The following KIAA0319 variants were observed in gnomAD, a reference collection of about 807,000 sequenced individuals.
KIAA0319 encodes dyslexia-associated protein KIAA0319.
Under a neutral mutation model 108.4 loss-of-function variants are expected in KIAA0319, and 83 were observed. The ratio of observed to expected loss-of-function variants is 0.77; its 90% CI spans 0.64 to 0.92. The LOEUF is 0.92. Among genes scored for constraint, KIAA0319 ranks in the 40% least tolerant of loss-of-function variants. KIAA0319 has a pLI of 0.00. For missense variants in KIAA0319, 1,195 were observed against 1,322.4 expected (o/e 0.90, Z 1.49); for synonymous variants, 484 against 510.4 (o/e 0.95, Z 0.70).
intron 1 of KIAA0319, among the ~76,000 whole-genome samples, chr6:24,634,618 T>C (rs145298709): frequency 1.0e-3 from 155 of 152,288 alleles, no homozygotes; most frequent in Admixed American, 2.2e-3. Context: ...GATTACATTA[T>C]AGTAGATAGC....
chr6:24,543,005 A>T (rs1459638881), downstream of KIAA0319, among the ~76,000 whole-genome samples: 4 of 152,274 alleles, frequency 2.6e-5, no homozygotes, highest in Admixed American at 2.0e-4. Flanking sequence ...GAATTTTGCT[A>T]TAAATCCAGA....
At position 24,556,595 on chromosome 6, in the gene KIAA0319, A is replaced by G. The variant is rs1434023895; in HGVS notation, c.2857+12T>C. 4 of 1,613,128 alleles carry G rather than the reference A, an allele frequency of 2.5e-6. No homozygotes were observed. The highest frequency in any genetic ancestry group is 2.2e-5 in the South Asian group (2 of 90,862). On this transcript the variant is annotated intron_variant, in intron 18 of 20. Coordinates refer to ENST00000378214, the MANE Select transcript of KIAA0319 (RefSeq NM_014809.4). ...GCTCCTCACCCAAAGCCTCCTCTAT[A>G]CCAGAACTCACCACAGTTGCTCTCT...
chr6:24,563,098 A>G (rs1353109126), intron 16 of KIAA0319, among the ~76,000 whole-genome samples: 1 of 152,154 alleles, frequency 6.6e-6, no homozygotes, highest in Admixed American at 6.5e-5. Flanking sequence ...AGAGCTAACA[A>G]CCGTCTCCCC....
intron 20 of KIAA0319, among the ~76,000 whole-genome samples, chr6:24,548,776 A>T (rs1218889407): frequency 1.3e-5 from 2 of 152,266 alleles, no homozygotes; most frequent in Admixed American, 1.3e-4. Context: ...AGAAAAGCAC[A>T]TGAATACAAA....
chr6:24,592,663 A>G (rs962332304), intron 3 of KIAA0319, among the ~76,000 whole-genome samples: 1 of 152,200 alleles, frequency 6.6e-6, no homozygotes, highest in African/African-American at 2.4e-5. Flanking sequence ...GAAAATTTGC[A>G]TTTCAATGGA....
At chr6:24,596,665 G>T in intron 2 of KIAA0319, 47 bp from the exon 3 acceptor site, 1 of 1,529,480 alleles carries the variant, frequency 6.5e-7, no homozygotes, top group Non-Finnish European at 8.8e-7. Context: ...ATATCACAGG[G>T]AAGCACCTCC....
intron 1 of KIAA0319, among the ~76,000 whole-genome samples, chr6:24,617,204 C>G (rs1160774471): frequency 6.6e-6 from 1 of 150,628 alleles, no homozygotes; most frequent in African/African-American, 2.4e-5. Context: ...AATGGAACCT[C>G]AAATGTCCAA....
rs1173262151 is a variant in KIAA0319 at position 24,547,069 on chromosome 6, C to T, written c.*96G>A. 3 of 1,298,472 alleles carry T rather than the reference C, an allele frequency of 2.3e-6. No individual in the cohort carries two copies. The highest frequency in any genetic ancestry group is 4.6e-5 in the East Asian group (2 of 43,256). 80.4% of individuals were successfully genotyped at this position (1,298,472 alleles called of 1,614,324 possible). A position where few individuals can be genotyped will look rare whatever the true frequency, so the allele number is the denominator to read the frequency against. The stretch of plus-strand genomic sequence containing the variant: ...CATCTAACCCACTGGGGAAGAAGGT[C>T]AATGAACTATTCTAAAAGAGTGGGT... On this transcript the variant is annotated 3_prime_UTR_variant, in exon 21 of 21. Transcript: ENST00000378214.
At chr6:24,556,096 T>A (rs16889474) in intron 18 of KIAA0319, among the ~76,000 whole-genome samples, 6,704 of 152,240 alleles carry the variant, frequency 0.044, 416 homozygotes, top group African/African-American at 0.14. Context: ...ACTGAATGTT[T>A]ATAACTGCAG....
In KIAA0319 at chr6:24,544,236, C is replaced by T. The variant is rs1019781227; in HGVS notation, c.*2929G>A. ...CACTTTTCGGCTCATGGGGCGTGCACACACAGGCTGTAGGCCACAGTTTGC... is the reference window on the plus strand; with the variant it reads ...CACTTTTCGGCTCATGGGGCGTGCATACACAGGCTGTAGGCCACAGTTTGC... On this transcript the variant is annotated 3_prime_UTR_variant, in exon 21 of 21. Transcript: ENST00000378214. 9 of 152,284 alleles carry T rather than the reference C, an allele frequency of 5.9e-5. No homozygotes were observed. The highest frequency in any genetic ancestry group is 1.9e-4 in the African/African-American group (8 of 41,554). 9.4% of individuals were successfully genotyped at this position (152,284 alleles called of 1,614,324 possible).
At position 24,615,732 on chromosome 6, in the gene KIAA0319, C is replaced by T. The variant is rs75673582; in HGVS notation, c.-105-14524G>A. Among the ~76,000 whole-genome samples the T allele has an allele frequency of 4.0e-3, 615 of 152,280 alleles. 2 individuals are homozygous for T. Among genetic ancestry groups the T allele is most frequent in the African/African-American group, 0.014 (575 of 41,562 alleles). ...AGCTCTTCTTTCTGTTACTTGCCTC[C>T]ACCTTTTAAAAAATAATTTATATCA... On this transcript the variant is annotated intron_variant, in intron 1 of 20. Transcript: ENST00000378214.
At chr6:24,624,016 TC>T (rs1223771180) in intron 1 of KIAA0319, among the ~76,000 whole-genome samples, 4 of 96,844 alleles carry the variant, frequency 4.1e-5, no homozygotes, top group African/African-American at 6.0e-5. Flanking sequence ...TTCTTTGTTT[TC>T]TTTTTTTTTT....
chr6:24,633,069 A>G (rs2127589956), intron 1 of KIAA0319, among the ~76,000 whole-genome samples: 1 of 152,296 alleles, frequency 6.6e-6, no homozygotes, highest in East Asian at 1.9e-4. Flanking sequence ...ACTTCCTAGG[A>G]GTCAGATTAT....
At position 24,554,554 on chromosome 6, in the gene KIAA0319, A is replaced by C. The variant is rs766751969; in HGVS notation, c.2935T>G (p.Cys979Gly). 4 of 1,612,350 alleles carry C rather than the reference A, an allele frequency of 2.5e-6. No homozygotes were observed. In the African/African-American group the frequency reaches 5.3e-5, roughly 22 times the overall value. The change falls in exon 19 of 21, where the codon TGC (cysteine) becomes GGC (glycine). Residue 979 changes from cysteine to glycine, a missense_variant. Transcript: ENST00000378214. Reference sequence around the variant, plus strand: ...CACTCTAGGTACCTTTTGCAGCAGCAGATGCAAAGCCAAGTGAAACCTCCT... The same window carrying C: ...CACTCTAGGTACCTTTTGCAGCAGCCGATGCAAAGCCAAGTGAAACCTCCT... ...LTGGFTWLCI[C>G]CCKRQKRTKI... is the part of the protein sequence containing the mutation.
intron 11 of KIAA0319, among the ~76,000 whole-genome samples, chr6:24,570,698 AAG>A (rs1236699494): frequency 3.5e-5 from 5 of 142,760 alleles, no homozygotes; most frequent in Non-Finnish European, 6.1e-5. Context: ...GGGAGGGAGG[AAG>A]AGAGAGAGGG....
intron 1 of KIAA0319, among the ~76,000 whole-genome samples, chr6:24,643,070 C>G (rs1249254376): frequency 6.6e-6 from 1 of 152,170 alleles, no homozygotes; most frequent in African/African-American, 2.4e-5. Flanking sequence ...CAGGATAATT[C>G]TACAATATTA....
chr6:24,566,830 C>T, intron 13 of KIAA0319, 82 bp from the exon 14 acceptor site: 1 of 1,291,814 alleles, frequency 7.7e-7, no homozygotes. Flanking sequence ...AAAACATCCA[C>T]AACTCTTCCA....
chr6:24,626,821 T>C (rs576526156), intron 1 of KIAA0319, among the ~76,000 whole-genome samples: 15 of 152,322 alleles, frequency 9.8e-5, no homozygotes, highest in African/African-American at 3.1e-4. Context: ...TGAGGTTTTA[T>C]TGTGCAATTA....
intron 1 of KIAA0319, among the ~76,000 whole-genome samples, chr6:24,616,928 C>T (rs1022167457): frequency 1.3e-4 from 19 of 151,874 alleles, no homozygotes; most frequent in African/African-American, 4.1e-4. Flanking sequence ...TCAAACTCAT[C>T]GCTCATATTA....
Sources: allele counts gnomAD v4.1 joint callset (sites outside exome capture counted in the v4.1 genomes callset), GRCh38; gene constraint gnomAD v4.1.1; transcripts MANE v1.5; gene names NCBI Gene and HGNC (gene_info 2026-07-23, HGNC 2026-07-21).